The following AGBL1 variants were observed in gnomAD, a reference collection of about 807,000 sequenced individuals.
AGBL1 encodes the protein cytosolic carboxypeptidase 4.
Under a neutral mutation model 118.9 loss-of-function variants are expected in AGBL1, and 130 were observed. That is an observed-to-expected ratio of 1.09 (90% confidence interval 0.95 to 1.26). AGBL1 has a LOEUF of 1.26. Ranked by LOEUF, AGBL1 falls within the 50% of genes most tolerant of loss-of-function variation. AGBL1 has a pLI of 0.00. For synonymous variants in AGBL1, 555 were observed against 478.9 expected, an observed-to-expected ratio of 1.16 and a Z score of -2.08; for missense variants, 1,584 against 1,298.1, an observed-to-expected ratio of 1.22 and a Z score of -3.38.
At position 86,443,899 on chromosome 15, in the gene AGBL1, G is replaced by A. The variant is rs149280483; in HGVS notation, c.2555+46353G>A. On this transcript the variant is annotated intron_variant, in intron 18 of 22. Transcript: ENST00000614907. ...CTCTATATCTTAGCTATTGTGACTA[G>A]TGCTGCAATAAACATAAGGGTGCAG... Among the ~76,000 whole-genome samples the A allele has an allele frequency of 3.2e-3, 483 of 152,218 alleles. 1 individual carries two copies. Among genetic ancestry groups the A allele is most frequent in the Non-Finnish European group, 5.4e-3 (364 of 68,016 alleles).
chr15:87,025,815 G>A (rs1383713861), intron 24 of AGBL1, among the ~76,000 whole-genome samples: 1 of 151,960 alleles, frequency 6.6e-6, no homozygotes, highest in Admixed American at 6.6e-5. Flanking sequence ...TAGGCACATA[G>A]ACTAATGGAA....
intron 17 of AGBL1, among the ~76,000 whole-genome samples, chr15:86,317,664 T>C (rs1348952217): frequency 6.6e-6 from 1 of 152,172 alleles, no homozygotes; most frequent in Non-Finnish European, 1.5e-5. Context: ...AGAGCAGGGA[T>C]TGACAAACTT....
chr15:86,739,892 C>T (rs1452442), intron 22 of AGBL1, among the ~76,000 whole-genome samples: 1 of 152,018 alleles, frequency 6.6e-6, no homozygotes, highest in Non-Finnish European at 1.5e-5. Context: ...CCTAATGAAT[C>T]ACTGAGCCCT....
chr15:86,806,725 T>G (rs1254350423), intron 22 of AGBL1, among the ~76,000 whole-genome samples: 7 of 151,736 alleles, frequency 4.6e-5, no homozygotes, highest in African/African-American at 1.7e-4. Context: ...GTGCTGCTAC[T>G]TATAAAGTAA....
intron 22 of AGBL1, among the ~76,000 whole-genome samples, chr15:86,842,254 G>C (rs1427928609): frequency 6.6e-6 from 1 of 151,512 alleles, no homozygotes; most frequent in Non-Finnish European, 1.5e-5. Context: ...CCTGCCTTGA[G>C]TGTTTTTGCT....
At chr15:86,950,658 G>C (rs531349545) in intron 23 of AGBL1, among the ~76,000 whole-genome samples, 162 of 151,852 alleles carry the variant, frequency 1.1e-3, no homozygotes, top group Non-Finnish European at 1.8e-3. Context: ...AGAGTGAAAT[G>C]TACTTGCAAT....
chr15:86,870,469 A>C (rs2079708199), intron 22 of AGBL1, among the ~76,000 whole-genome samples: 1 of 33,076 alleles, frequency 3.0e-5, no homozygotes, highest in African/African-American at 7.8e-5. Context: ...AAAAAAAAAA[A>C]AAAAAAAAAA....
chr15:86,196,887 A>AGTG (rs1567119214), intron 5 of AGBL1, among the ~76,000 whole-genome samples: 3 of 128,058 alleles, frequency 2.3e-5, no homozygotes, highest in African/African-American at 1.0e-4. Flanking sequence ...GCGCACACAC[A>AGTG]CACACACACA....
At chr15:86,124,564 T>C (rs1597426160) in intron 1 of AGBL1, among the ~76,000 whole-genome samples, 2 of 150,760 alleles carry the variant, frequency 1.3e-5, no homozygotes, top group African/African-American at 5.0e-5. Context: ...ATTTTAAAGA[T>C]TTTTTCTCTC....
rs186252399 is a variant in AGBL1 at position 86,774,399 on chromosome 15, G to A, written c.3158+99963G>A. On this transcript the variant is annotated intron_variant, in intron 22 of 22. Transcript: ENST00000614907. ...GGTTGGGACATAGAAAAAGGACAAT[G>A]GAGTCTTTAATACATACTTTTGTTT... 4.5e-3 allele frequency among the ~76,000 whole-genome samples: 679 copies of A among 152,168 alleles called. 2 individuals are homozygous for A. The highest frequency in any genetic ancestry group is 7.4e-3 in the Non-Finnish European group (502 of 68,000).
chr15:86,687,428 C>T (rs1265233235), intron 22 of AGBL1, among the ~76,000 whole-genome samples: 2 of 152,072 alleles, frequency 1.3e-5, no homozygotes, highest in African/African-American at 4.8e-5. Flanking sequence ...CACAAATGCC[C>T]CCTACCCAAG....
At chr15:86,361,612 T>TGG in intron 17 of AGBL1, among the ~76,000 whole-genome samples, 1 of 152,114 alleles carries the variant, frequency 6.6e-6, no homozygotes, top group Non-Finnish European at 1.5e-5. Context: ...GTTCACTTTA[T>TGG]ATATTTAGGT....
chr15:87,021,697 A>G (rs1278413284), intron 24 of AGBL1, among the ~76,000 whole-genome samples: 3 of 152,188 alleles, frequency 2.0e-5, no homozygotes, highest in Non-Finnish European at 4.4e-5. Flanking sequence ...ACATGAACAG[A>G]CACTTCTCAA....
intron 5 of AGBL1, among the ~76,000 whole-genome samples, chr15:86,201,991 G>C (rs1324061051): frequency 3.3e-5 from 5 of 152,110 alleles, no homozygotes; most frequent in African/African-American, 9.7e-5. Flanking sequence ...TCAGCAACAA[G>C]TAAACCCTGT....
At chr15:86,161,913 C>T (rs1466253913) in intron 5 of AGBL1, among the ~76,000 whole-genome samples, 1 of 152,150 alleles carries the variant, frequency 6.6e-6, no homozygotes, top group African/African-American at 2.4e-5. Flanking sequence ...AGTCTTACCT[C>T]CTAGGTTTAT....
At chr15:86,341,806 G>A (rs934224994) in intron 17 of AGBL1, among the ~76,000 whole-genome samples, 2 of 152,098 alleles carry the variant, frequency 1.3e-5, no homozygotes, top group Admixed American at 6.6e-5. Flanking sequence ...CTTGTTACTT[G>A]TGAGTAGGCC....
intron 20 of AGBL1, among the ~76,000 whole-genome samples, chr15:86,553,869 T>TTTA (rs2083695841): frequency 6.6e-6 from 1 of 151,326 alleles, no homozygotes; most frequent in African/African-American, 2.4e-5. Context: ...TTTCTAACTT[T>TTTA]TTTTTTTTTG....
At chr15:86,897,925 A>G (rs1163716042) in intron 22 of AGBL1, among the ~76,000 whole-genome samples, 2 of 151,694 alleles carry the variant, frequency 1.3e-5, no homozygotes, top group African/African-American at 4.8e-5. Context: ...GGCACGTGCC[A>G]CCATGACTAG....
At chr15:86,434,350 G>T (rs990176163) in intron 18 of AGBL1, among the ~76,000 whole-genome samples, 1 of 152,202 alleles carries the variant, frequency 6.6e-6, no homozygotes, top group African/African-American at 2.4e-5. Flanking sequence ...TTGCTCTTCA[G>T]CTGTAGAGTA....
Sources: allele counts gnomAD v4.1 joint callset (sites outside exome capture counted in the v4.1 genomes callset), GRCh38; gene constraint gnomAD v4.1.1; transcripts MANE v1.5; gene names NCBI Gene and HGNC (gene_info 2026-07-23, HGNC 2026-07-21).